The following GRB10 variants were observed in gnomAD, a reference collection of about 807,000 sequenced individuals.
GRB10 encodes growth factor receptor bound protein 10, also known as growth factor receptor-bound protein 10.
In GRB10, 20 loss-of-function variants were observed where a neutral mutation model predicts 80.9. That is an observed-to-expected ratio of 0.25 (90% CI 0.17 to 0.36). GRB10 has a LOEUF of 0.36. Among genes scored for constraint, GRB10 ranks in the 10% least tolerant of loss-of-function variants. The probability of loss-of-function intolerance (pLI) is 1.00; values close to 1 mark genes in which losing one functional copy is unlikely to be tolerated. For synonymous variants in GRB10, 291 were observed against 291.5 expected (o/e 1.00, Z 0.02); for missense variants, 548 against 747.7 (o/e 0.73, Z 3.12).
chr7:50,788,641 G>A (rs1312119016), intron 1 of GRB10, among the ~76,000 whole-genome samples: 1 of 152,126 alleles, frequency 6.6e-6, no homozygotes, highest in Non-Finnish European at 1.5e-5. Context: ...ATGTTAATAG[G>A]CAAGACTGCC....
chr7:50,690,787 A>C (rs2062730552), intron 5 of GRB10, among the ~76,000 whole-genome samples: 1 of 152,266 alleles, frequency 6.6e-6, no homozygotes, highest in South Asian at 2.1e-4. Context: ...ATTGAGCTGC[A>C]AGCATCCTGA....
At chr7:50,736,977 A>T (rs2070904061) in intron 3 of GRB10, among the ~76,000 whole-genome samples, 1 of 152,242 alleles carries the variant, frequency 6.6e-6, no homozygotes, top group Non-Finnish European at 1.5e-5. Context: ...GACATTAAAT[A>T]TGACAATGAT....
chr7:50,595,244 A>G (rs2046426040), intron 18 of GRB10, among the ~76,000 whole-genome samples, 193 bp downstream of exon 18: 1 of 152,196 alleles, frequency 6.6e-6, no homozygotes, highest in Non-Finnish European at 1.5e-5. Context: ...CACCACTTTC[A>G]GGATTATTTC....
At chr7:50,595,794 A>G in intron 17 of GRB10, 1 of 419,476 alleles carries the variant, frequency 2.4e-6, no homozygotes, top group East Asian at 4.9e-5. Flanking sequence ...CTACAGGGTT[A>G]GGGCAGGGAA....
At chr7:50,716,746 G>A (rs957329900) in intron 4 of GRB10, among the ~76,000 whole-genome samples, 1 of 152,196 alleles carries the variant, frequency 6.6e-6, no homozygotes, top group African/African-American at 2.4e-5. Flanking sequence ...TCCATCCCCA[G>A]TGACCAATCT....
At chr7:50,690,045 C>T (rs975770503) in intron 5 of GRB10, among the ~76,000 whole-genome samples, 7 of 151,724 alleles carry the variant, frequency 4.6e-5, no homozygotes, top group East Asian at 1.9e-4. Flanking sequence ...GCCTGTAATC[C>T]CAGCACTTTG....
chr7:50,717,989 T>C (rs1480901540), intron 4 of GRB10, among the ~76,000 whole-genome samples: 1 of 152,218 alleles, frequency 6.6e-6, no homozygotes, highest in African/African-American at 2.4e-5. Context: ...GACTCCTCTG[T>C]CACTCCAGGG....
chr7:50,778,405 G>A (rs2077924133), intron 2 of GRB10, among the ~76,000 whole-genome samples: 1 of 152,208 alleles, frequency 6.6e-6, no homozygotes. Flanking sequence ...GTCCCATGGA[G>A]CCCATCAATG....
rs79420409 is a variant in GRB10 at position 50,653,336 on chromosome 7, T to C, written c.504+16386A>G. ...CATGAAGCCGGGAACAGCCACAGCA[T>C]ACATAAGGGCTTGCACAAGAGGAGT... On this transcript the variant is annotated intron_variant, in intron 7 of 18. Transcript: ENST00000401949. 5.2e-3 allele frequency among the ~76,000 whole-genome samples: 789 copies of C among 152,210 alleles called. 1 individual carries two copies. Among genetic ancestry groups the C allele is most frequent in the African/African-American group, 0.018 (741 of 41,538 alleles).
chr7:50,653,511 CACA>C (rs1300852074), intron 7 of GRB10, among the ~76,000 whole-genome samples: 2 of 152,304 alleles, frequency 1.3e-5, no homozygotes, highest in East Asian at 3.9e-4. Context: ...GGAAACAGCA[CACA>C]ACAAGTGCAG....
At chr7:50,742,964 T>C (rs2072166234) in intron 3 of GRB10, among the ~76,000 whole-genome samples, 2 of 152,180 alleles carry the variant, frequency 1.3e-5, no homozygotes, top group South Asian at 4.1e-4. Context: ...TTCCTCAAAA[T>C]GCCCTAACTG....
chr7:50,674,550 C>A lies in GRB10; in HGVS notation c.248G>T (p.Gly83Val). 6.2e-7 allele frequency: 1 copy of A among 1,612,122 alleles called. No individual in the cohort carries two copies. Among genetic ancestry groups the A allele is most frequent in the Non-Finnish European group, 8.5e-7 (1 of 1,180,002 alleles). The change falls in exon 6 of 19, where the codon GGC (glycine) becomes GTC (valine). Residue 83 changes from glycine to valine, a missense_variant. Around this residue, in one of 4 missense-constraint regions of GRB10, gnomAD observed 245 missense variants for 229.3 expected, o/e 1.07. Transcript: ENST00000401949. ...QSDTVPLLQN[G>V]QHARSQPRAS... is the part of the protein sequence containing the mutation. The stretch of plus-strand genomic sequence containing the variant: ...CCGAGGCTGGCTGCGGGCATGCTGG[C>A]CATTCTGCAGGAGGGGCACCGTGTC...
intron 17 of GRB10, among the ~76,000 whole-genome samples, chr7:50,602,951 G>C (rs1373397150): frequency 6.6e-6 from 1 of 152,148 alleles, no homozygotes; most frequent in Non-Finnish European, 1.5e-5. Context: ...AAGAGGAGGA[G>C]GAGGAGAATG....
intron 7 of GRB10, among the ~76,000 whole-genome samples, chr7:50,666,932 C>T (rs2059870662): frequency 6.7e-6 from 1 of 150,196 alleles, no homozygotes; most frequent in African/African-American, 2.5e-5. Context: ...CCCAGCTACT[C>T]AGGAGGCTGA....
intron 7 of GRB10, among the ~76,000 whole-genome samples, chr7:50,640,747 T>C (rs1439656533): frequency 6.6e-6 from 1 of 152,222 alleles, no homozygotes; most frequent in Non-Finnish European, 1.5e-5. Context: ...ACTGACCTCA[T>C]CCATGATATC....
At chr7:50,740,536 C>A (rs1457196884) in intron 3 of GRB10, among the ~76,000 whole-genome samples, 1 of 151,956 alleles carries the variant, frequency 6.6e-6, no homozygotes, top group East Asian at 1.9e-4. Flanking sequence ...TTTTTAAAAG[C>A]TGTACCTTCC....
At chr7:50,631,013 T>C (rs893623180) in intron 7 of GRB10, among the ~76,000 whole-genome samples, 5 of 152,128 alleles carry the variant, frequency 3.3e-5, no homozygotes, top group Non-Finnish European at 5.9e-5. Context: ...GATCATTATA[T>C]CTCCACGGCC....
chr7:50,789,368 G>T (rs939340313), intron 1 of GRB10, among the ~76,000 whole-genome samples: 4 of 152,160 alleles, frequency 2.6e-5, no homozygotes, highest in East Asian at 1.9e-4. Context: ...GCTCTGCATC[G>T]TGCCAATCAC....
chr7:50,599,468 A>G (rs2047227046), intron 17 of GRB10, among the ~76,000 whole-genome samples: 1 of 152,130 alleles, frequency 6.6e-6, no homozygotes, highest in Non-Finnish European at 1.5e-5. Flanking sequence ...TCCTCCCTAC[A>G]CCCAAGAATT....
Sources: gnomAD v4.1 joint callset for allele counts (sites outside exome capture counted in the v4.1 genomes callset) on GRCh38, gnomAD v4.1.1 for gene constraint, gnomAD v4.1.1 regional missense constraint, MANE v1.5 for transcripts, NCBI Gene and HGNC (gene_info 2026-07-23, HGNC 2026-07-21) for gene names.